The following TMC7 variants were observed in gnomAD, a reference collection of about 807,000 sequenced individuals.
TMC7 encodes transmembrane channel-like protein 7.
A neutral mutation model predicts 82.9 loss-of-function variants in TMC7; 54 were observed. The observed-to-expected ratio is 0.65, with a 90% CI of 0.52 to 0.82. The LOEUF (loss-of-function observed/expected upper bound fraction) is 0.82. Among genes scored for constraint, TMC7 ranks in the 40% least tolerant of loss-of-function variants. The pLI is 0.00. For missense variants in TMC7, 820 were observed against 901.2 expected, an observed-to-expected ratio of 0.91 and a Z score of 1.15; for synonymous variants, 350 against 337.9, an observed-to-expected ratio of 1.04 and a Z score of -0.39.
At chr16:19,013,611 G>A (rs545615930) in intron 2 of TMC7, among the ~76,000 whole-genome samples, 2 of 151,968 alleles carry the variant, frequency 1.3e-5, no homozygotes, top group Non-Finnish European at 1.5e-5. Flanking sequence ...TCTGCCTCGC[G>A]GGTTTCAGCG....
At chr16:18,994,075 T>A (rs934688744) in intron 1 of TMC7, among the ~76,000 whole-genome samples, 1 of 151,946 alleles carries the variant, frequency 6.6e-6, no homozygotes, top group Admixed American at 6.6e-5. Context: ...AGGTGTGGTA[T>A]CTGGAATAAT....
chr16:19,035,535 A>G (rs1178220531), intron 6 of TMC7, 141 bp from the exon 7 acceptor site: 2 of 892,040 alleles, frequency 2.2e-6, no homozygotes, highest in Non-Finnish European at 3.5e-6. Flanking sequence ...ACATATATTT[A>G]GAATGGCCCC....
At chr16:19,020,066 TG>T (rs1959892108) in intron 3 of TMC7, among the ~76,000 whole-genome samples, 1 of 152,150 alleles carries the variant, frequency 6.6e-6, no homozygotes, top group Non-Finnish European at 1.5e-5. Flanking sequence ...AATCAATCGA[TG>T]TAATTCACCA....
At chr16:18,998,554 A>G (rs1265428192) in intron 1 of TMC7, among the ~76,000 whole-genome samples, 3 of 151,988 alleles carry the variant, frequency 2.0e-5, no homozygotes, top group African/African-American at 7.2e-5. Flanking sequence ...GGAGATCGAG[A>G]CCATCCTGGC....
chr16:19,035,752 G>A lies in TMC7; in HGVS notation c.934G>A (p.Gly312Ser), dbSNP rs867285812. 5 of 1,613,656 alleles carry A rather than the reference G, an allele frequency of 3.1e-6. No homozygotes were observed. The highest frequency in any genetic ancestry group is 1.3e-5 in the African/African-American group (1 of 74,990). Reference protein sequence around the residue: ...FQSYCNKIFAGWDFCITNRSM... With the variant: ...FQSYCNKIFASWDFCITNRSM... ...GAGTTACTGCAACAAGATATTTGCC[G>A]GCTGGGACTTCTGCATCACTAACCG... Residue 312 changes from glycine (G) to serine (S), a missense_variant, in exon 7 of 16, where the codon GGC (glycine) becomes AGC (serine). Coordinates refer to ENST00000304381, the MANE Select transcript of TMC7 (RefSeq NM_024847.4).
At chr16:19,001,791 A>G (rs1327618679) in intron 1 of TMC7, among the ~76,000 whole-genome samples, 1 of 152,218 alleles carries the variant, frequency 6.6e-6, no homozygotes, top group Non-Finnish European at 1.5e-5. Context: ...AGCTCATCAA[A>G]GCACAGAGCA....
At chr16:19,005,216 GT>G (rs1452554125) in intron 1 of TMC7, among the ~76,000 whole-genome samples, 1 of 151,862 alleles carries the variant, frequency 6.6e-6, no homozygotes, top group Non-Finnish European at 1.5e-5. Context: ...AGCCTCCCAA[GT>G]TAGCTGGGAC....
chr16:19,040,391 A>G lies in TMC7; in HGVS notation c.1282A>G (p.Ile428Val). ...NFITPMIFAK[I>V]IRYEDYSPGF... ...TATCACCCCAATGATCTTTGCCAAG[A>G]TCATCCGCTATGAGGATTATTCTCC... The change falls in exon 9 of 16, where the codon ATC becomes GTC. Residue 428 changes from isoleucine (I) to valine (V), a missense_variant. Physicochemically the swap from Ile to Val is conservative, Grantham distance 29. Coordinates refer to ENST00000304381, the MANE Select transcript of TMC7 (RefSeq NM_024847.4). The G allele has an allele frequency of 6.2e-7, 1 of 1,613,808 alleles. No homozygotes were observed. The highest frequency in any genetic ancestry group is 8.5e-7 in the Non-Finnish European group (1 of 1,180,034).
Position 19,009,339 on chromosome 16 carries a change from G to C in TMC7, c.235G>C (p.Asp79His), listed in dbSNP as rs778673170. The C allele has an allele frequency of 2.3e-5, 37 of 1,614,024 alleles. No homozygotes were observed. The East Asian group carries it at 7.1e-4, about 31-fold the overall frequency. Residue 79 changes from aspartate (D) to histidine (H), a missense_variant, in exon 2 of 16, where the codon GAC becomes CAC. Transcript: ENST00000304381. ...CGACTCTTACAGCTCCCAGCTGGAG[G>C]ACAGAATCGCTGAAAACCTCAGCAG... Reference protein sequence around the residue: ...PTDSYSSQLEDRIAENLSSHS... With the variant: ...PTDSYSSQLEHRIAENLSSHS...
Position 19,045,001 on chromosome 16 carries a change from G to T in TMC7, c.1455G>T (p.Pro485=). The change falls in exon 10 of 16, where the codon CCG becomes CCT. Residue 485 remains proline, a splice_region_variant and synonymous_variant. Transcript: ENST00000304381. ...GCGGCTACAACCAGAAACTCTACCC[G>T]GTGAGTTGCGGGGCGGGGGCGTTCG... ...DLCGYNQKLY[P]CWETQVGQEM... 1 of 1,612,724 alleles carries T rather than the reference G, an allele frequency of 6.2e-7. No individual in the cohort carries two copies. Among genetic ancestry groups the T allele is most frequent in the Non-Finnish European group, 8.5e-7 (1 of 1,178,970 alleles).
chr16:19,015,974 C>T (rs1959667989), intron 2 of TMC7, among the ~76,000 whole-genome samples: 1 of 152,202 alleles, frequency 6.6e-6, no homozygotes, highest in Admixed American at 6.5e-5. Flanking sequence ...GACATTTTGA[C>T]GGACTGCCAA....
intron 9 of TMC7, among the ~76,000 whole-genome samples, chr16:19,041,015 C>T (rs1279575102): frequency 6.6e-6 from 1 of 151,774 alleles, no homozygotes; most frequent in Non-Finnish European, 1.5e-5. Flanking sequence ...CTCAGCCTCC[C>T]ACATAGCTGG....
intron 3 of TMC7, among the ~76,000 whole-genome samples, chr16:19,018,174 T>C (rs1228386114): frequency 1.3e-5 from 2 of 152,094 alleles, no homozygotes; most frequent in African/African-American, 4.8e-5. Context: ...GAAAGCCTTA[T>C]TATCCTGAGT....
chr16:19,000,834 T>C (rs1188011296), intron 1 of TMC7, among the ~76,000 whole-genome samples: 1 of 152,042 alleles, frequency 6.6e-6, no homozygotes, highest in Non-Finnish European at 1.5e-5. Flanking sequence ...GTCTGGGCAA[T>C]ATGGTAAAAC....
chr16:19,047,600 T>C (rs553718586), intron 12 of TMC7, among the ~76,000 whole-genome samples: 10 of 152,118 alleles, frequency 6.6e-5, no homozygotes, highest in Admixed American at 6.6e-4. Context: ...TTTCACCATC[T>C]TGGCCAGGTT....
At chr16:19,026,420 C>T (rs1455203127) in intron 5 of TMC7, among the ~76,000 whole-genome samples, 2 of 149,826 alleles carry the variant, frequency 1.3e-5, no homozygotes, top group African/African-American at 2.5e-5. Flanking sequence ...GAGCTTGCAG[C>T]GAGCCGAGAT....
At chr16:18,994,635 G>T (rs1411168664) in intron 1 of TMC7, among the ~76,000 whole-genome samples, 1 of 152,056 alleles carries the variant, frequency 6.6e-6, no homozygotes, top group African/African-American at 2.4e-5. Context: ...ATCTAGAACA[G>T]AATGGGTTGT....
chr16:19,056,469 T>C, intron 13 of TMC7, 73 bp from the exon 14 acceptor site: 3 of 1,520,484 alleles, frequency 2.0e-6, no homozygotes, highest in South Asian at 2.5e-5. Context: ...CAAAACATTC[T>C]GGGTGTACAG....
chr16:18,986,560 C>A (rs2038853146), intron 1 of TMC7, among the ~76,000 whole-genome samples: 1 of 152,014 alleles, frequency 6.6e-6, no homozygotes, highest in South Asian at 2.1e-4. Flanking sequence ...GTCTCAAAAA[C>A]AGAAAAACAA....
Sources: allele counts gnomAD v4.1 joint callset (sites outside exome capture counted in the v4.1 genomes callset), GRCh38; gene constraint gnomAD v4.1.1; transcripts MANE v1.5; gene names NCBI Gene and HGNC (gene_info 2026-07-23, HGNC 2026-07-21).